The following KIF23 variants were observed in gnomAD, a reference collection of about 807,000 sequenced individuals.
KIF23 encodes kinesin-like protein KIF23.
In KIF23, 30 loss-of-function variants were observed where a neutral mutation model predicts 137.5. The observed-to-expected ratio is 0.22, with a 90% CI of 0.16 to 0.30. The LOEUF is 0.30. Ranked by LOEUF, KIF23 falls within the 10% of genes least tolerant of loss-of-function variation. The pLI, the probability that KIF23 is intolerant of heterozygous loss-of-function variation, is 1.00. For missense variants in KIF23, 920 were observed against 1,194.3 expected (o/e 0.77, Z 3.38); for synonymous variants, 367 against 391.1 (o/e 0.94, Z 0.73).
chr15:69,416,515 CA>C (rs1417073939), intron 2 of KIF23, among the ~76,000 whole-genome samples: 1 of 152,132 alleles, frequency 6.6e-6, no homozygotes, highest in Non-Finnish European at 1.5e-5. Flanking sequence ...CAACAAATGG[CA>C]AACAAAAAGG....
Position 69,438,170 on chromosome 15 carries a change from A to G in KIF23, c.1598-78A>G, listed in dbSNP as rs73426098. ...TTTGCTGAATAACTACATTTTATCTAGTGTCTGCTAGCAAAAGTTGATATC... is the reference window on the plus strand; with the variant it reads ...TTTGCTGAATAACTACATTTTATCTGGTGTCTGCTAGCAAAAGTTGATATC... On this transcript the variant is annotated intron_variant, in intron 15 of 23. Coordinates refer to ENST00000679126, the MANE Select transcript of KIF23 (RefSeq NM_001367805.3). 1.3e-3 allele frequency: 1,602 copies of G among 1,221,900 alleles called. 15 individuals are homozygous for G. The African/African-American group carries it at 0.021, about 16-fold the overall frequency. 75.7% of individuals were successfully genotyped at this position (1,221,900 alleles called of 1,614,324 possible).
chr15:69,433,411 G>A (rs1596004489), intron 11 of KIF23, among the ~76,000 whole-genome samples: 1 of 152,204 alleles, frequency 6.6e-6, no homozygotes, highest in African/African-American at 2.4e-5. Flanking sequence ...CCAAATAAGA[G>A]TGGTCAGAAG....
intron 16 of KIF23, among the ~76,000 whole-genome samples, chr15:69,438,660 G>T (rs2057539901): frequency 6.6e-6 from 1 of 152,168 alleles, no homozygotes; most frequent in Non-Finnish European, 1.5e-5. Flanking sequence ...AGTTAGCTGG[G>T]CGTGGTGGCG....
rs112767257 is a variant in KIF23, at chr15:69,414,855, C to T, written c.11+379C>T. ...GCCGCCGCCTCCAGAGTGCAGTTGG[C>T]CAACTTAGTGCGGGTCGGAGGTGGT... is the stretch of plus-strand genomic sequence containing the variant. On this transcript the variant is annotated intron_variant, in intron 1 of 23. Transcript: ENST00000679126. 260 of 225,786 alleles carry T rather than the reference C, an allele frequency of 1.2e-3. 1 individual carries two copies. The highest frequency in any genetic ancestry group is 2.9e-3 in the African/African-American group (128 of 44,094). The allele number at this position is 225,786 out of a possible 1,614,324, so 14.0% of individuals were successfully genotyped here. A position where few individuals can be genotyped will look rare whatever the true frequency, so the allele number is the denominator to read the frequency against.
In KIF23 at chr15:69,444,427, G is replaced by T. The variant is rs1288172895; in HGVS notation, c.2422-363G>T. 1 of 184,686 alleles carries T rather than the reference G, an allele frequency of 5.4e-6. No homozygotes were observed. The highest frequency in any genetic ancestry group is 1.1e-5 in the Non-Finnish European group (1 of 89,342). 11.4% of individuals were successfully genotyped at this position (184,686 alleles called of 1,614,324 possible). On this transcript the variant is annotated intron_variant, in intron 19 of 23. Coordinates refer to ENST00000679126, the MANE Select transcript of KIF23 (RefSeq NM_001367805.3). The surrounding 1 kb of genome is among the most constrained non-coding windows in gnomAD (Gnocchi z 4.2). ...TGATCTTATTGAAGATTTTAACAGA[G>T]TTGTGGACATAATAGATTACCTCTC...
chr15:69,421,970 A>AT, intron 4 of KIF23, 22 bp from the exon 5 acceptor site: 1 of 1,612,264 alleles, frequency 6.2e-7, no homozygotes, highest in South Asian at 1.1e-5. Flanking sequence ...GATATAACTC[A>AT]TTGTGACTTG....
intron 3 of KIF23, among the ~76,000 whole-genome samples, chr15:69,419,555 C>T (rs1395404682): frequency 6.6e-6 from 1 of 152,134 alleles, no homozygotes; most frequent in Admixed American, 6.5e-5. Context: ...TAAATATCAC[C>T]TCCTCGGGTT....
chr15:69,432,017 C>G (rs1218333627), intron 11 of KIF23, among the ~76,000 whole-genome samples: 2 of 152,092 alleles, frequency 1.3e-5, no homozygotes, highest in African/African-American at 2.4e-5. Flanking sequence ...AGCTTACCTA[C>G]TAGGTGTTCA....
chr15:69,435,880 T>G, intron 13 of KIF23, 109 bp downstream of exon 13: 1 of 1,418,790 alleles, frequency 7.0e-7, no homozygotes, highest in African/African-American at 1.4e-5. Context: ...TAGAGAACCA[T>G]TGATTGTAGA....
intron 19 of KIF23, among the ~76,000 whole-genome samples, chr15:69,441,888 G>A (rs562383129): frequency 1.3e-5 from 2 of 151,682 alleles, no homozygotes; most frequent in Non-Finnish European, 2.9e-5. Context: ...TCTCACCTCA[G>A]CCTCCCAAGT....
intron 15 of KIF23, 100 bp downstream of exon 15, chr15:69,436,822 T>C: frequency 1.4e-6 from 1 of 698,362 alleles, no homozygotes. Context: ...TGGCACAATC[T>C]CGGTTCACTG....
chr15:69,423,357 G>T, intron 7 of KIF23, 28 bp downstream of exon 7: 1 of 1,470,084 alleles, frequency 6.8e-7, no homozygotes, highest in Non-Finnish European at 9.1e-7. Context: ...CCCCTTCTTA[G>T]CTGTTAATGT....
Position 69,440,259 on chromosome 15 carries a change from C to T in KIF23, c.1930-49C>T, listed in dbSNP as rs201330076. The T allele has an allele frequency of 2.8e-4, 432 of 1,566,536 alleles. 2 individuals carry two copies. Among genetic ancestry groups the T allele is most frequent in the Non-Finnish European group, 3.4e-4 (388 of 1,155,550 alleles). On this transcript the variant is annotated intron_variant, in intron 17 of 23. Coordinates refer to ENST00000679126, the MANE Select transcript of KIF23 (RefSeq NM_001367805.3). ...AAGAGATTGGGTAATCTGGTGTACT[C>T]GTTTGCTGTGATGGAATGATAATAT...
At chr15:69,445,799 A>G (rs2057728446) in intron 20 of KIF23, among the ~76,000 whole-genome samples, 1 of 152,198 alleles carries the variant, frequency 6.6e-6, no homozygotes, top group Admixed American at 6.5e-5. Flanking sequence ...TACTGATTAC[A>G]TTGAATTGGA....
At chr15:69,443,649 G>T (rs2057680479) in intron 19 of KIF23, 1 of 152,094 alleles carries the variant, frequency 6.6e-6, no homozygotes, top group Non-Finnish European at 1.5e-5. Context: ...TTACAAACAG[G>T]AGATGTTCAT....
chr15:69,433,840 G>T (rs890579079), intron 11 of KIF23, among the ~76,000 whole-genome samples: 1 of 152,072 alleles, frequency 6.6e-6, no homozygotes, highest in Non-Finnish European at 1.5e-5. Context: ...ATGGGTCAGG[G>T]TAGACACCCT....
Position 69,447,830 on chromosome 15 carries a change from G to T in KIF23, c.*23G>T, listed in dbSNP as rs748094759. The T allele has an allele frequency of 3.7e-6, 6 of 1,600,784 alleles. No homozygotes were observed. Among genetic ancestry groups the T allele is most frequent in the Non-Finnish European group, 4.3e-6 (5 of 1,170,266 alleles). On this transcript the variant is annotated 3_prime_UTR_variant, in exon 24 of 24. Transcript: ENST00000679126. ...TGAACTGACAGTCCCAGTACTGAAAGAACATTTTCATTTGTGTGGATGATT... is the reference window on the plus strand; with the variant it reads ...TGAACTGACAGTCCCAGTACTGAAATAACATTTTCATTTGTGTGGATGATT...
chr15:69,421,793 TCTC>T, intron 4 of KIF23, 41 bp downstream of exon 4: 1 of 1,436,840 alleles, frequency 7.0e-7, no homozygotes. Context: ...TTTTCCTTTT[TCTC>T]CTCTTCTGAT....
rs1214743702 is a variant in KIF23, at chr15:69,417,470, C to T, written c.169C>T (p.Pro57Ser). 1.2e-6 allele frequency: 2 copies of T among 1,613,846 alleles called. No individual in the cohort carries two copies. The highest frequency in any genetic ancestry group is 2.2e-5 in the South Asian group (2 of 91,012). The change falls in exon 3 of 24, where the codon CCT (proline) becomes TCT (serine). Residue 57 changes from proline (P) to serine (S), a missense_variant. By Grantham distance (74) the Pro-to-Ser change is moderately conservative (BLOSUM62 -1). Around this residue, in one of 4 missense-constraint regions of KIF23, gnomAD observed 124 missense variants for 122.0 expected, o/e 1.02. Coordinates refer to ENST00000679126, the MANE Select transcript of KIF23 (RefSeq NM_001367805.3). ...TAATACAACTGTTCAGCTTCATACT[C>T]CTGAGGGCTACAGACTCAACCGAAA... ...INNTTVQLHT[P>S]EGYRLNRNGD... is the part of the protein sequence containing the mutation.
Sources: allele counts gnomAD v4.1 joint callset (sites outside exome capture counted in the v4.1 genomes callset), GRCh38; gene constraint gnomAD v4.1.1; regional missense constraint gnomAD v4.1.1; non-coding constraint Gnocchi (gnomAD v3.1); transcripts MANE v1.5; gene names NCBI Gene and HGNC (gene_info 2026-07-23, HGNC 2026-07-21).